The following MACROD1 variants were observed in gnomAD, a reference collection of about 807,000 sequenced individuals.
The protein encoded by MACROD1 is ADP-ribose glycohydrolase MACROD1.
A neutral mutation model predicts 41.4 loss-of-function variants in MACROD1; 31 were observed. The observed-to-expected ratio is 0.75, with a 90% CI of 0.56 to 1.01. The LOEUF (loss-of-function observed/expected upper bound fraction) is 1.01, where lower values mean the gene tolerates loss of function less well. MACROD1 is among the 50% of genes least tolerant of loss of function. The pLI is 0.00. For synonymous variants in MACROD1, 252 were observed against 203.4 expected (o/e 1.24, Z -2.03); for missense variants, 473 against 460.0 (o/e 1.03, Z -0.26).
intron 3 of MACROD1, among the ~76,000 whole-genome samples, chr11:64,107,993 AT>A: frequency 6.6e-6 from 1 of 152,208 alleles, no homozygotes; most frequent in Non-Finnish European, 1.5e-5. Context: ...AAGTAACCTT[AT>A]TTTATCTTCA....
chr11:64,148,027 C>T (rs1247553961), intron 3 of MACROD1, among the ~76,000 whole-genome samples: 3 of 152,136 alleles, frequency 2.0e-5, no homozygotes, highest in Non-Finnish European at 4.4e-5. Flanking sequence ...GAGTGAGCTA[C>T]TACGTCCCGC....
At chr11:64,105,924 A>G (rs752997198) in intron 3 of MACROD1, among the ~76,000 whole-genome samples, 21 of 121,196 alleles carry the variant, frequency 1.7e-4, no homozygotes, top group Non-Finnish European at 2.9e-4. Flanking sequence ...CCTTTATCTC[A>G]TGATTCCAGG....
chr11:64,100,867 G>A (rs912691167), intron 3 of MACROD1, among the ~76,000 whole-genome samples: 2 of 152,120 alleles, frequency 1.3e-5, no homozygotes, highest in Non-Finnish European at 2.9e-5. Context: ...GTGGGGGTGG[G>A]GGCTGCAGCA....
At chr11:64,147,666 C>T (rs1159851714) in intron 3 of MACROD1, among the ~76,000 whole-genome samples, 4 of 151,832 alleles carry the variant, frequency 2.6e-5, no homozygotes, top group Non-Finnish European at 2.9e-5. Context: ...TCAAGTGATC[C>T]GCCTGTCTCA....
intron 3 of MACROD1, among the ~76,000 whole-genome samples, chr11:64,143,109 CA>C (rs1171308660): frequency 1.1e-4 from 1 of 9,132 alleles, no homozygotes. Context: ...GTGACCCTGT[CA>C]AAAAAAAGGA....
chr11:64,019,787 G>A (rs558305551), intron 3 of MACROD1, among the ~76,000 whole-genome samples: 1 of 152,312 alleles, frequency 6.6e-6, no homozygotes, highest in South Asian at 2.1e-4. Flanking sequence ...TGTGGCGAGG[G>A]GAATGGGGGC....
intron 3 of MACROD1, among the ~76,000 whole-genome samples, chr11:64,074,688 C>G (rs1036067829): frequency 6.6e-6 from 1 of 152,204 alleles, no homozygotes; most frequent in African/African-American, 2.4e-5. Flanking sequence ...ATCCCAGGAG[C>G]TAGATACCAC....
At chr11:64,123,957 C>G (rs911541690) in intron 3 of MACROD1, among the ~76,000 whole-genome samples, 2 of 152,208 alleles carry the variant, frequency 1.3e-5, no homozygotes, top group African/African-American at 4.8e-5. Flanking sequence ...CTAGAAGATC[C>G]TGGTTCCCAC....
chr11:64,150,443 C>T (rs775873534), intron 3 of MACROD1, among the ~76,000 whole-genome samples: 1 of 152,188 alleles, frequency 6.6e-6, no homozygotes, highest in African/African-American at 2.4e-5. Context: ...GACCTGCCCC[C>T]CATATTCAGG....
chr11:64,003,765 C>T (rs1216617055), intron 4 of MACROD1, among the ~76,000 whole-genome samples: 6 of 152,334 alleles, frequency 3.9e-5, no homozygotes, highest in African/African-American at 9.6e-5. Context: ...TAAAGGGCCT[C>T]GCCCTGAACC....
At chr11:64,074,590 C>T (rs1590871797) in intron 3 of MACROD1, among the ~76,000 whole-genome samples, 2 of 152,226 alleles carry the variant, frequency 1.3e-5, no homozygotes, top group East Asian at 1.9e-4. Flanking sequence ...GCAGGCCCTC[C>T]GTGGCAGCCC....
chr11:64,116,098 G>T, intron 3 of MACROD1: 2 of 1,032,098 alleles, frequency 1.9e-6, no homozygotes, highest in Non-Finnish European at 1.4e-6. Flanking sequence ...ACCTCACCCC[G>T]CAGGACCGGA....
At chr11:64,014,787 C>T (rs1943058608) in intron 4 of MACROD1, among the ~76,000 whole-genome samples, 1 of 152,240 alleles carries the variant, frequency 6.6e-6, no homozygotes, top group Non-Finnish European at 1.5e-5. Flanking sequence ...TGGTCGTTAA[C>T]AATGGCAGAC....
chr11:64,023,666 C>T (rs917845473), intron 3 of MACROD1, among the ~76,000 whole-genome samples: 5 of 152,102 alleles, frequency 3.3e-5, no homozygotes, highest in African/African-American at 1.2e-4. Context: ...CTAGATTCCC[C>T]TGGGTCTCCT....
chr11:64,125,274 C>A (rs1437742733), intron 3 of MACROD1, among the ~76,000 whole-genome samples: 2 of 152,176 alleles, frequency 1.3e-5, no homozygotes. Context: ...TGCCTCCCCA[C>A]ACCTGAAAGC....
intron 4 of MACROD1, among the ~76,000 whole-genome samples, chr11:64,010,029 G>C (rs1486948684): frequency 6.6e-6 from 1 of 151,312 alleles, no homozygotes; most frequent in Non-Finnish European, 1.5e-5. Context: ...TGGGGTGTTG[G>C]CTGGGTTGTT....
intron 4 of MACROD1, chr11:64,001,679 G>A: frequency 1.4e-6 from 1 of 702,228 alleles, no homozygotes; most frequent in Non-Finnish European, 2.6e-6. Flanking sequence ...GAACGGCTCA[G>A]GCCTGGATCC....
rs555161383 is a variant in MACROD1, at chr11:64,120,367, C to T, written c.517+30872G>A. 1.9e-4 allele frequency among the ~76,000 whole-genome samples: 29 copies of T among 152,316 alleles called. No individual in the cohort carries two copies. The highest frequency in any genetic ancestry group is 2.9e-4 in the Non-Finnish European group (20 of 68,024). ...AATAAGGTCAAGAGAGAAATTTCCC[C>T]AGGCCTTAATGTCAGGTCTGTATAA... On this transcript the variant is annotated intron_variant, in intron 3 of 10. Transcript: ENST00000255681. This position sits in a 1 kb window ranked among gnomAD's most constrained non-coding sequence, Gnocchi z 4.5.
intron 3 of MACROD1, among the ~76,000 whole-genome samples, chr11:64,076,257 C>G (rs560352842): frequency 6.6e-6 from 1 of 152,316 alleles, no homozygotes; most frequent in Admixed American, 6.5e-5. Flanking sequence ...CAGCCCTCAC[C>G]AGGTGCCCCC....
Sources: allele counts gnomAD v4.1 joint callset (sites outside exome capture counted in the v4.1 genomes callset), GRCh38; gene constraint gnomAD v4.1.1; non-coding constraint Gnocchi (gnomAD v3.1); transcripts MANE v1.5; gene names NCBI Gene and HGNC (gene_info 2026-07-23, HGNC 2026-07-21).